Variants in VPS37A observed in about 807,000 individuals in gnomAD.
VPS37A encodes the protein VPS37A subunit of ESCRT-I.
In VPS37A, 30 loss-of-function variants were observed where a neutral mutation model predicts 49.8. The ratio of observed to expected loss-of-function variants is 0.60; its 90% confidence interval spans 0.45 to 0.82. The LOEUF (loss-of-function observed/expected upper bound fraction) is 0.82, where lower values mean the gene tolerates loss of function less well. Among genes scored for constraint, VPS37A ranks in the 40% least tolerant of loss-of-function variants. The pLI is 0.00. For synonymous variants in VPS37A, 195 were observed against 160.6 expected (o/e 1.21, Z -1.62); for missense variants, 593 against 464.4 (o/e 1.28, Z -2.55).
downstream of VPS37A, chr8:17,305,728 TTAAACACCA>T (rs745946964): frequency 1.1e-5 from 17 of 1,561,434 alleles, no homozygotes; most frequent in African/African-American, 2.2e-4. Context: ...TAAATAAAAG[TTAAACACCA>T]AAAACACCAA....
downstream of VPS37A, chr8:17,302,375 T>A: frequency 7.5e-7 from 1 of 1,341,206 alleles, no homozygotes; most frequent in Non-Finnish European, 1.0e-6. Context: ...ACCACAGTCT[T>A]AATAATAACC....
At chr8:17,300,311 C>G, downstream of VPS37A, 1 of 1,347,742 alleles carries the variant, frequency 7.4e-7, no homozygotes, top group Non-Finnish European at 1.0e-6. Context: ...TTGTTACCTC[C>G]CACGTGGGTA....
At chr8:17,281,851 G>C (rs965834872) in intron 9 of VPS37A, among the ~76,000 whole-genome samples, 3 of 151,950 alleles carry the variant, frequency 2.0e-5, no homozygotes, top group Admixed American at 6.5e-5. Flanking sequence ...AAGTAAGTTA[G>C]GAAACTTTAT....
the VPS37A span, among the ~76,000 whole-genome samples, chr8:17,321,303 G>C: frequency 6.6e-6 from 1 of 152,218 alleles, no homozygotes. Context: ...CAGAGAGAAT[G>C]TCCCCACGCT....
chr8:17,310,024 A>T, the VPS37A span, among the ~76,000 whole-genome samples: 58 of 152,142 alleles, frequency 3.8e-4, no homozygotes, highest in Non-Finnish European at 6.0e-4. Flanking sequence ...TTTTTGAGAC[A>T]GGATCTCACT....
intron 1 of VPS37A, 101 bp downstream of exon 1, chr8:17,247,470 C>A: frequency 6.9e-7 from 1 of 1,456,778 alleles, no homozygotes. Flanking sequence ...CCACCAGCTC[C>A]TCATGTGGTT....
At chr8:17,287,831 A>C (rs780907501) in intron 11 of VPS37A, among the ~76,000 whole-genome samples, 1 of 152,156 alleles carries the variant, frequency 6.6e-6, no homozygotes, top group Non-Finnish European at 1.5e-5. Context: ...CAAGCTATCC[A>C]TCCTACTGTA....
At chr8:17,287,538 C>T (rs990711868) in intron 11 of VPS37A, among the ~76,000 whole-genome samples, 4 of 151,908 alleles carry the variant, frequency 2.6e-5, no homozygotes, top group East Asian at 1.9e-4. Flanking sequence ...ATTAGCCGGG[C>T]ATGGTGGCAG....
the VPS37A span, among the ~76,000 whole-genome samples, chr8:17,308,587 A>G: frequency 6.6e-6 from 1 of 152,216 alleles, no homozygotes; most frequent in Non-Finnish European, 1.5e-5. Flanking sequence ...CTAAATTTAA[A>G]TTTTATCACC....
At chr8:17,306,576 A>G (rs1174274092), downstream of VPS37A, among the ~76,000 whole-genome samples, 2 of 152,210 alleles carry the variant, frequency 1.3e-5, no homozygotes, top group Non-Finnish European at 2.9e-5. Flanking sequence ...TGATTTTAAA[A>G]TGAAGACTCC....
At chr8:17,333,256 T>C in the VPS37A span, among the ~76,000 whole-genome samples, 8 of 152,170 alleles carry the variant, frequency 5.3e-5, no homozygotes, top group African/African-American at 1.9e-4. Flanking sequence ...AATATTAAAA[T>C]AATGCATTTT....
downstream of VPS37A, chr8:17,299,060 G>A (rs879840403): frequency 6.6e-6 from 1 of 152,200 alleles, no homozygotes; most frequent in Non-Finnish European, 1.5e-5. Flanking sequence ...GGCCCACACT[G>A]TCGGTAGTGT....
chr8:17,271,334 G>A (rs1414169779), intron 4 of VPS37A, among the ~76,000 whole-genome samples: 6 of 152,030 alleles, frequency 3.9e-5, no homozygotes, highest in Non-Finnish European at 5.9e-5. Flanking sequence ...GGCTGGGCGC[G>A]GTGGCTCACG....
chr8:17,279,760 T>G (rs1814858252), intron 6 of VPS37A: 1 of 505,894 alleles, frequency 2.0e-6, no homozygotes, highest in Non-Finnish European at 3.8e-6. Context: ...ACGGTTGTGA[T>G]TTTTAAAGAA....
At chr8:17,282,797 G>T (rs1458180118) in intron 9 of VPS37A, among the ~76,000 whole-genome samples, 1 of 151,864 alleles carries the variant, frequency 6.6e-6, no homozygotes, top group Non-Finnish European at 1.5e-5. Flanking sequence ...CTTTCTAGAT[G>T]TTCTCAGTCA....
chr8:17,268,823 GT>G, intron 3 of VPS37A, 32 bp from the exon 4 acceptor site: 6 of 1,381,242 alleles, frequency 4.3e-6, no homozygotes, highest in Non-Finnish European at 6.1e-6. Flanking sequence ...TTTTCTGGAA[GT>G]GATTTTAAGC....
the VPS37A span, among the ~76,000 whole-genome samples, chr8:17,310,507 A>C: frequency 5.3e-5 from 8 of 152,310 alleles, no homozygotes; most frequent in African/African-American, 1.9e-4. Context: ...GTGCAGGAGA[A>C]GAGCCTAAGG....
At chr8:17,303,711 G>C (rs1024886682), downstream of VPS37A, among the ~76,000 whole-genome samples, 1 of 151,754 alleles carries the variant, frequency 6.6e-6, no homozygotes, top group African/African-American at 2.4e-5. Flanking sequence ...CCTGGTTCAA[G>C]TGATTCTCCT....
chr8:17,263,989 A>G (rs965351235), intron 1 of VPS37A, among the ~76,000 whole-genome samples: 5 of 152,050 alleles, frequency 3.3e-5, no homozygotes, highest in African/African-American at 9.7e-5. Flanking sequence ...AGAGGGACCA[A>G]CCTCCATGTT....
Sources: allele counts gnomAD v4.1 joint callset (sites outside exome capture counted in the v4.1 genomes callset), GRCh38; gene constraint gnomAD v4.1.1; transcripts MANE v1.5; gene names NCBI Gene and HGNC (gene_info 2026-07-23, HGNC 2026-07-21).